Variants in UNC5B observed in about 807,000 individuals in gnomAD.
The protein encoded by UNC5B is unc-5 netrin receptor B, also known as netrin receptor UNC5B.
UNC5B carries 56 observed loss-of-function variants against 103.7 expected under a neutral mutation model. The observed-to-expected ratio is 0.54, with a 90% confidence interval of 0.44 to 0.67. The LOEUF (loss-of-function observed/expected upper bound fraction) is 0.67, where lower values mean the gene tolerates loss of function less well. UNC5B is among the 30% of genes least tolerant of loss of function. UNC5B has a pLI of 0.00. For synonymous variants in UNC5B, 577 were observed against 542.0 expected, an observed-to-expected ratio of 1.06 and a Z score of -0.90; for missense variants, 1,194 against 1,284.5, an observed-to-expected ratio of 0.93 and a Z score of 1.08.
In UNC5B at chr10:71,213,087, G is replaced by A; in HGVS notation, c.79+23G>A. ...CAGGTAGGAAGCGATCGGGTCTGGG[G>A]GCGCGGGGCTAGGGGACCCTTGCGC... On this transcript the variant is annotated intron_variant, in intron 1 of 16. Coordinates refer to ENST00000335350, the MANE Select transcript of UNC5B (RefSeq NM_170744.5). The surrounding 1 kb of genome is among the most constrained non-coding windows in gnomAD (Gnocchi z 4.1). 1 of 1,313,384 alleles carries A rather than the reference G, an allele frequency of 7.6e-7. No homozygotes were observed. Among genetic ancestry groups the A allele is most frequent in the Non-Finnish European group, 9.8e-7 (1 of 1,024,772 alleles). The allele number at this position is 1,313,384 out of a possible 1,614,324, so 81.4% of individuals were successfully genotyped here. A position where few individuals can be genotyped will look rare whatever the true frequency, so the allele number is the denominator to read the frequency against.
intron 1 of UNC5B, among the ~76,000 whole-genome samples, chr10:71,245,548 A>G (rs1224362635): frequency 6.6e-6 from 1 of 152,146 alleles, no homozygotes; most frequent in Non-Finnish European, 1.5e-5. Context: ...CAGCCCAGCT[A>G]GTCTCTGATG....
intron 1 of UNC5B, among the ~76,000 whole-genome samples, chr10:71,275,178 A>T (rs1221196158): frequency 6.6e-6 from 1 of 152,150 alleles, no homozygotes; most frequent in East Asian, 1.9e-4. Flanking sequence ...TCTTGGCGGG[A>T]TATCTGGACC....
In UNC5B at chr10:71,299,092, G is replaced by A; in HGVS notation, c.2673-20G>A. ...GGGCTAAGTGCTTGGGAACCTCAGTGCCCTCCTTCCCTCTGCCAGGTACCT... is the reference window on the plus strand; with the variant it reads ...GGGCTAAGTGCTTGGGAACCTCAGTACCCTCCTTCCCTCTGCCAGGTACCT... On this transcript the variant is annotated intron_variant, in intron 16 of 16. Coordinates refer to ENST00000335350, the MANE Select transcript of UNC5B (RefSeq NM_170744.5). 1 of 1,613,716 alleles carries A rather than the reference G, an allele frequency of 6.2e-7. No individual in the cohort carries two copies. Among genetic ancestry groups the A allele is most frequent in the South Asian group, 1.1e-5 (1 of 91,060 alleles).
At chr10:71,291,313 C>T (rs1321383361) in intron 9 of UNC5B, 119 bp from the exon 10 acceptor site, 45 of 1,473,240 alleles carry the variant, frequency 3.1e-5, no homozygotes, top group Non-Finnish European at 4.0e-5. Flanking sequence ...CCCAAAGCTT[C>T]CTGCAGCTGG....
rs1845531277 is a variant in UNC5B at position 71,299,363 on chromosome 10, C to T, written c.*86C>T. 6.5e-7 allele frequency: 1 copy of T among 1,532,420 alleles called. No individual in the cohort carries two copies. Among genetic ancestry groups the T allele is most frequent in the Non-Finnish European group, 8.8e-7 (1 of 1,132,232 alleles). The allele number at this position is 1,532,420 out of a possible 1,614,324, so 94.9% of individuals were successfully genotyped here. A position where few individuals can be genotyped will look rare whatever the true frequency, so the allele number is the denominator to read the frequency against. On this transcript the variant is annotated 3_prime_UTR_variant, in exon 17 of 17. Transcript: ENST00000335350. ...CAGCCTCCTGATGGGGATGTTTGGC[C>T]TCTGCTTCCTCCCAGTTCACAGCCA...
intron 1 of UNC5B, among the ~76,000 whole-genome samples, chr10:71,255,142 G>C (rs1844261766): frequency 6.6e-6 from 1 of 152,136 alleles, no homozygotes; most frequent in Non-Finnish European, 1.5e-5. Context: ...TAATACCCGA[G>C]AAGAACCCAC....
At chr10:71,231,884 C>T (rs753987815) in intron 1 of UNC5B, among the ~76,000 whole-genome samples, 8 of 152,114 alleles carry the variant, frequency 5.3e-5, no homozygotes, top group Non-Finnish European at 7.4e-5. Flanking sequence ...CTGGCCTGGC[C>T]GTCAGGATCT....
At chr10:71,246,297 G>A (rs537709484) in intron 1 of UNC5B, among the ~76,000 whole-genome samples, 16 of 152,304 alleles carry the variant, frequency 1.1e-4, no homozygotes, top group South Asian at 6.2e-4. Flanking sequence ...CCAGAAAGGC[G>A]GAGGACCCCA....
intron 1 of UNC5B, among the ~76,000 whole-genome samples, chr10:71,232,399 G>A (rs1213369842): frequency 3.3e-5 from 5 of 152,370 alleles, no homozygotes; most frequent in African/African-American, 4.8e-5. Context: ...GAGGAGAGCC[G>A]ATTGCAGAGG....
chr10:71,298,017 T>C lies in UNC5B; in HGVS notation c.2599T>C (p.Cys867Arg). 1.2e-6 allele frequency: 2 copies of C among 1,613,956 alleles called. No individual in the cohort carries two copies. Among genetic ancestry groups the C allele is most frequent in the Non-Finnish European group, 1.7e-6 (2 of 1,180,002 alleles). The change falls in exon 16 of 17, where the codon TGC becomes CGC. Residue 867 changes from cysteine (C) to arginine (R), a missense_variant. Cys to Arg is a radical substitution (Grantham distance 180). Transcript: ENST00000335350. Reference protein sequence around the residue: ...KIPLSIRQKICNSLDAPNSRG... With the variant: ...KIPLSIRQKIRNSLDAPNSRG... ...CCCACTGTCCATCCGCCAGAAGATATGCAACAGCCTAGATGCCCCCAACTC... is the reference window on the plus strand; with the variant it reads ...CCCACTGTCCATCCGCCAGAAGATACGCAACAGCCTAGATGCCCCCAACTC...
intron 1 of UNC5B, among the ~76,000 whole-genome samples, chr10:71,227,599 C>CATACATAT (rs957735935): frequency 1.4e-5 from 2 of 142,328 alleles, no homozygotes; most frequent in African/African-American, 5.4e-5. Flanking sequence ...ATTTTGTATA[C>CATACATAT]ATACATATAT....
intron 1 of UNC5B, among the ~76,000 whole-genome samples, chr10:71,255,593 T>C (rs1156422930): frequency 2.0e-5 from 3 of 152,224 alleles, no homozygotes; most frequent in Non-Finnish European, 4.4e-5. Flanking sequence ...TCCTTGTTCG[T>C]AATTAGCGCC....
At chr10:71,254,755 G>A (rs1200050588) in intron 1 of UNC5B, among the ~76,000 whole-genome samples, 4 of 152,218 alleles carry the variant, frequency 2.6e-5, no homozygotes, top group Non-Finnish European at 5.9e-5. Flanking sequence ...TTCCAGCTGT[G>A]CACGTGGTGA....
chr10:71,289,370 C>T (rs1043839283), intron 8 of UNC5B, among the ~76,000 whole-genome samples: 2 of 152,184 alleles, frequency 1.3e-5, no homozygotes, highest in Non-Finnish European at 2.9e-5. Flanking sequence ...CCTCTCTGGG[C>T]CAAGGCCGGG....
At chr10:71,287,330 C>T (rs79735719) in intron 5 of UNC5B, among the ~76,000 whole-genome samples, 2 of 152,150 alleles carry the variant, frequency 1.3e-5, no homozygotes, top group South Asian at 4.1e-4. Context: ...CCAGGGTGAC[C>T]CTGGGGAAGT....
chr10:71,285,498 G>T (rs1845052450), intron 4 of UNC5B, 69 bp downstream of exon 4: 10 of 1,360,696 alleles, frequency 7.3e-6, no homozygotes, highest in Non-Finnish European at 8.9e-6. Flanking sequence ...GGCAGGCATG[G>T]TATTTACCAC....
At position 71,297,921 on chromosome 10, in the gene UNC5B, T is replaced by C. The variant is rs773534132; in HGVS notation, c.2503T>C (p.Ser835Pro). The C allele has an allele frequency of 6.8e-6, 11 of 1,612,790 alleles. No individual in the cohort carries two copies. The highest frequency in any genetic ancestry group is 9.3e-6 in the Non-Finnish European group (11 of 1,179,476). ...HTTLAETPAG[S>P]LDTLCSAPGS... ...CCCACCCTTGCAGACACCTGCTGGC[T>C]CCCTGGACACTCTCTGCTCTGCCCC... The change falls in exon 16 of 17, where the codon TCC (serine) becomes CCC (proline). Residue 835 changes from serine (S) to proline (P), a missense_variant. Ser to Pro is a moderately conservative substitution (Grantham distance 74). Coordinates refer to ENST00000335350, the MANE Select transcript of UNC5B (RefSeq NM_170744.5).
At chr10:71,229,155 T>C (rs528178225) in intron 1 of UNC5B, among the ~76,000 whole-genome samples, 9 of 152,238 alleles carry the variant, frequency 5.9e-5, no homozygotes, top group Non-Finnish European at 1.0e-4. Context: ...TGTTGATTGA[T>C]GGACGGAACT....
In UNC5B at chr10:71,291,788, T is replaced by C; in HGVS notation, c.1651T>C (p.Cys551Arg). 1 of 1,604,872 alleles carries C rather than the reference T, an allele frequency of 6.2e-7. No individual in the cohort carries two copies. Among genetic ancestry groups the C allele is most frequent in the Non-Finnish European group, 8.5e-7 (1 of 1,178,994 alleles). ...GAGCAGCGTCAGCGGCACCTTTGGCTGCCTGGGTGGGAGGCTCAGCATCCC... is the reference window on the plus strand; with the variant it reads ...GAGCAGCGTCAGCGGCACCTTTGGCCGCCTGGGTGGGAGGCTCAGCATCCC... Reference protein sequence around the residue: ...PGSSVSGTFGCLGGRLSIPGT... With the variant: ...PGSSVSGTFGRLGGRLSIPGT... Residue 551 changes from cysteine to arginine, a missense_variant, in exon 10 of 17, where the codon TGC (cysteine) becomes CGC (arginine). Transcript: ENST00000335350.
Sources: allele counts gnomAD v4.1 joint callset (sites outside exome capture counted in the v4.1 genomes callset), GRCh38; gene constraint gnomAD v4.1.1; non-coding constraint Gnocchi (gnomAD v3.1); transcripts MANE v1.5; gene names NCBI Gene and HGNC (gene_info 2026-07-23, HGNC 2026-07-21).